Variants in MKNK1 observed in about 807,000 individuals in gnomAD.
MKNK1 encodes the protein MAP kinase-interacting serine/threonine-protein kinase 1.
A neutral mutation model predicts 49.3 loss-of-function variants in MKNK1; 30 were observed. That is an observed-to-expected ratio of 0.61 (90% CI 0.46 to 0.83). The LOEUF (loss-of-function observed/expected upper bound fraction) is 0.83, where lower values mean the gene tolerates loss of function less well. MKNK1 is among the 40% of genes least tolerant of loss of function. The probability of loss-of-function intolerance (pLI) is 0.00; values close to 1 mark genes in which losing one functional copy is unlikely to be tolerated. For synonymous variants in MKNK1, 176 were observed against 201.7 expected (o/e 0.87, Z 1.08); for missense variants, 423 against 524.7 (o/e 0.81, Z 1.89).
At chr1:46,577,041 G>T (rs777502384) in intron 4 of MKNK1, among the ~76,000 whole-genome samples, 3 of 152,228 alleles carry the variant, frequency 2.0e-5, no homozygotes, top group Non-Finnish European at 2.9e-5. Context: ...ATCTTCTCAT[G>T]CTGGAGGGAG....
At chr1:46,582,375 G>C (rs1343769583) in intron 3 of MKNK1, among the ~76,000 whole-genome samples, 1 of 152,180 alleles carries the variant, frequency 6.6e-6, no homozygotes, top group East Asian at 1.9e-4. Context: ...TGGACACATT[G>C]GCATTAGCCC....
intron 4 of MKNK1, among the ~76,000 whole-genome samples, chr1:46,579,721 C>G (rs1461971709): frequency 2.0e-5 from 3 of 152,128 alleles, no homozygotes; most frequent in African/African-American, 7.2e-5. Context: ...AACCACTGCT[C>G]AAGATCCAGC....
Position 46,558,515 on chromosome 1 carries a change from A to C in MKNK1, c.*60T>G. On this transcript the variant is annotated 3_prime_UTR_variant, in exon 13 of 13. Transcript: ENST00000371945. Reference sequence around the variant, plus strand: ...CCTGCTCAGCAGACTTTAGCCACACAGGTTTCCAGGGGACAATGCCTGGCC... The same window carrying C: ...CCTGCTCAGCAGACTTTAGCCACACCGGTTTCCAGGGGACAATGCCTGGCC... 23 of 1,482,724 alleles carry C rather than the reference A, an allele frequency of 1.6e-5. No individual in the cohort carries two copies. The highest frequency in any genetic ancestry group is 2.1e-4 in the Middle Eastern group (1 of 4,868). 91.8% of individuals were successfully genotyped at this position (1,482,724 alleles called of 1,614,324 possible). A position where few individuals can be genotyped will look rare whatever the true frequency, so the allele number is the denominator to read the frequency against.
intron 1 of MKNK1, 26 bp from the exon 2 acceptor site, chr1:46,594,306 A>T (rs1287076043): frequency 2.9e-6 from 2 of 690,406 alleles, no homozygotes; most frequent in Non-Finnish European, 5.3e-6. Context: ...ATAGAAAGGA[A>T]ATCAAAATGC....
At chr1:46,568,596 T>C (rs1189301240) in intron 7 of MKNK1, 98 bp from the exon 8 acceptor site, 3 of 1,170,634 alleles carry the variant, frequency 2.6e-6, no homozygotes, top group Non-Finnish European at 3.8e-6. Flanking sequence ...AGTTCGCAGA[T>C]TAATTCCCAA....
At chr1:46,594,092 A>C in intron 2 of MKNK1, 21 bp downstream of exon 2, 1 of 1,571,238 alleles carries the variant, frequency 6.4e-7, no homozygotes, top group Non-Finnish European at 8.8e-7. Flanking sequence ...AAGGATAACT[A>C]AAATGTACAC....
chr1:46,560,891 A>C (rs1667841474), intron 11 of MKNK1, among the ~76,000 whole-genome samples: 1 of 152,240 alleles, frequency 6.6e-6, no homozygotes, highest in Non-Finnish European at 1.5e-5. Flanking sequence ...TGGCACACCA[A>C]GGAGACCAGA....
intron 4 of MKNK1, among the ~76,000 whole-genome samples, chr1:46,578,785 G>A (rs546346195): frequency 2.7e-5 from 4 of 150,852 alleles, no homozygotes; most frequent in African/African-American, 9.8e-5. Context: ...ACAGAGTCTT[G>A]CTCTGTCGCC....
In MKNK1 at chr1:46,562,978, G is replaced by A. The variant is rs1469187343; in HGVS notation, c.610-135C>T. On this transcript the variant is annotated intron_variant, in intron 9 of 12. Transcript: ENST00000371945. The stretch of plus-strand genomic sequence containing the variant: ...GGAAGGATGAGATACAGATCAGGAA[G>A]GCCAGCCAGTGAGCCGCCTGATGCC... 1.2e-5 allele frequency: 9 copies of A among 745,556 alleles called. No individual in the cohort carries two copies. The East Asian group carries it at 2.8e-4, about 23-fold the overall frequency. The allele number at this position is 745,556 out of a possible 1,614,324, so 46.2% of individuals were successfully genotyped here. A position where few individuals can be genotyped will look rare whatever the true frequency, so the allele number is the denominator to read the frequency against.
chr1:46,599,248 C>G (rs766486923), intron 1 of MKNK1, among the ~76,000 whole-genome samples: 2 of 152,164 alleles, frequency 1.3e-5, no homozygotes, highest in Non-Finnish European at 2.9e-5. Flanking sequence ...GAATGCCAGC[C>G]TCTGCACTCC....
At chr1:46,565,002 C>T (rs1366696979) in intron 9 of MKNK1, 39 bp downstream of exon 9, 2 of 1,583,842 alleles carry the variant, frequency 1.3e-6, no homozygotes, top group Admixed American at 3.3e-5. Flanking sequence ...ATCAGGGAAA[C>T]ACTCCAAATA....
At position 46,580,617 on chromosome 1, in the gene MKNK1, C is replaced by T. The variant is rs1486775489; in HGVS notation, c.111G>A (p.Lys37=). The T allele has an allele frequency of 1.9e-6, 3 of 1,612,342 alleles. No individual in the cohort carries two copies. The highest frequency in any genetic ancestry group is 1.7e-6 in the Non-Finnish European group (2 of 1,178,376). Reference sequence around the variant, plus strand: ...CCTCTCCAAGCAATTCAGAGGTCAGCTTGTACATATCTAGAGGTGAAATGG... The same window carrying T: ...CCTCTCCAAGCAATTCAGAGGTCAGTTTGTACATATCTAGAGGTGAAATGG... ...SLPGKFEDMY[K]LTSELLGEGA... The change falls in exon 4 of 13, where the codon AAG becomes AAA. Residue 37 remains lysine (K), a synonymous_variant. Transcript: ENST00000371945.
chr1:46,602,581 C>T (rs1288863013), intron 1 of MKNK1, among the ~76,000 whole-genome samples: 1 of 152,230 alleles, frequency 6.6e-6, no homozygotes, highest in South Asian at 2.1e-4. Context: ...ACCCGCGGCC[C>T]TGGATGGCTC....
At position 46,594,207 on chromosome 1, in the gene MKNK1, T is replaced by G. The variant is rs1397314783; in HGVS notation, c.-97A>C. The G allele has an allele frequency of 1.7e-5, 23 of 1,363,076 alleles. No individual in the cohort carries two copies. The highest frequency in any genetic ancestry group is 2.3e-5 in the Non-Finnish European group (22 of 952,064). The allele number at this position is 1,363,076 out of a possible 1,614,324, so 84.4% of individuals were successfully genotyped here. A position where few individuals can be genotyped will look rare whatever the true frequency, so the allele number is the denominator to read the frequency against. ...TGTCAGGAAGTTGGTGTCTTCCAGCTACACGAAGTGTCTCAATGGCCTTTG... is the reference window on the plus strand; with the variant it reads ...TGTCAGGAAGTTGGTGTCTTCCAGCGACACGAAGTGTCTCAATGGCCTTTG... On this transcript the variant is annotated 5_prime_UTR_variant, in exon 2 of 13. The change abolishes the stop of an existing upstream ORF in the 5' untranslated region. Transcript: ENST00000371945.
rs1667966928 is a variant in MKNK1, at chr1:46,561,491, G to A, written c.956C>T (p.Pro319Leu). The A allele has an allele frequency of 6.2e-7, 1 of 1,613,042 alleles. No individual in the cohort carries two copies. The highest frequency in any genetic ancestry group is 1.3e-5 in the African/African-American group (1 of 74,928). ...RLSAAQVLQH[P>L]WVQGQAPEKG... ...GGAGTCACTCACCCCCTGCACCCATGGGTGCTGCAGAACTTGGGCGGCGCT... is the reference window on the plus strand; with the variant it reads ...GGAGTCACTCACCCCCTGCACCCATAGGTGCTGCAGAACTTGGGCGGCGCT... The change falls in exon 11 of 13, where the codon CCA becomes CTA. Residue 319 changes from proline to leucine, a missense_variant. Physicochemically the swap from Pro to Leu is moderately conservative, Grantham distance 98. Coordinates refer to ENST00000371945, the MANE Select transcript of MKNK1 (RefSeq NM_001135553.4).
At chr1:46,590,987 G>C (rs1225657365) in intron 2 of MKNK1, among the ~76,000 whole-genome samples, 2 of 152,222 alleles carry the variant, frequency 1.3e-5, no homozygotes, top group Non-Finnish European at 1.5e-5. Context: ...TCTTATGAAA[G>C]ATGAGCTACC....
At chr1:46,585,119 G>A (rs1451775853) in intron 2 of MKNK1, among the ~76,000 whole-genome samples, 2 of 151,200 alleles carry the variant, frequency 1.3e-5, no homozygotes, top group Non-Finnish European at 3.0e-5. Context: ...GTGTGGTGGC[G>A]GGTGCCTGTA....
At chr1:46,587,120 C>A (rs1354782817) in intron 2 of MKNK1, among the ~76,000 whole-genome samples, 2 of 152,238 alleles carry the variant, frequency 1.3e-5, no homozygotes, top group Non-Finnish European at 2.9e-5. Context: ...AGGTCCTTCA[C>A]TTTCTAAACA....
chr1:46,593,387 C>T (rs548932903), intron 2 of MKNK1: 1 of 152,160 alleles, frequency 6.6e-6, no homozygotes, highest in East Asian at 1.9e-4. Context: ...TTTGTAGAGA[C>T]AGTCTTGCTA....
Sources: gnomAD v4.1 joint callset for allele counts (sites outside exome capture counted in the v4.1 genomes callset) on GRCh38, gnomAD v4.1.1 for gene constraint, MANE v1.5 for transcripts, NCBI Gene and HGNC (gene_info 2026-07-23, HGNC 2026-07-21) for gene names.